Variants in CSMD1 observed in about 807,000 individuals in gnomAD.
CSMD1 encodes CUB and sushi domain-containing protein 1.
A neutral mutation model predicts 417.5 loss-of-function variants in CSMD1; 213 were observed. That is an observed-to-expected ratio of 0.51 (90% CI 0.46 to 0.57). The LOEUF is 0.57. Among genes scored for constraint, CSMD1 ranks in the 20% least tolerant of loss-of-function variants. The pLI is 0.00. For synonymous variants in CSMD1, 2,862 were observed against 1,736.8 expected (o/e 1.65, Z -16.11); for missense variants, 6,923 against 4,529.7 (o/e 1.53, Z -15.17).
chr8:3,542,557 G>C (rs1300400440), intron 10 of CSMD1, among the ~76,000 whole-genome samples: 1 of 152,142 alleles, frequency 6.6e-6, no homozygotes, highest in Non-Finnish European at 1.5e-5. Flanking sequence ...ACACGGAACA[G>C]GGTTATAGAC....
intron 10 of CSMD1, among the ~76,000 whole-genome samples, chr8:3,542,497 T>A (rs1798482325): frequency 2.0e-5 from 3 of 152,098 alleles, no homozygotes; most frequent in Admixed American, 2.0e-4. Context: ...GAAAAAGCAA[T>A]AAATCAGTGA....
intron 1 of CSMD1, among the ~76,000 whole-genome samples, chr8:4,772,377 G>T (rs1168064078): frequency 6.6e-6 from 1 of 152,070 alleles, no homozygotes; most frequent in African/African-American, 2.4e-5. Flanking sequence ...CGGCCTTTGA[G>T]GACTTGAGTG....
At chr8:4,252,776 C>T (rs1200795892) in intron 3 of CSMD1, among the ~76,000 whole-genome samples, 1 of 152,224 alleles carries the variant, frequency 6.6e-6, no homozygotes, top group African/African-American at 2.4e-5. Flanking sequence ...ACATACACCA[C>T]TGACATTTAT....
rs191516210 is a variant in CSMD1 at position 3,294,217 on chromosome 8, G to T, written c.3951-9871C>A. 1.7e-3 allele frequency among the ~76,000 whole-genome samples: 227 copies of T among 134,280 alleles called. 1 individual carries two copies. The highest frequency in any genetic ancestry group is 5.6e-3 in the African/African-American group (217 of 38,822). 88.1% of individuals were successfully genotyped at this position (134,280 alleles called of 152,430 possible). On this transcript the variant is annotated intron_variant, in intron 25 of 69. Transcript: ENST00000635120. ...GTCTCAGAGTACCAGGCCGTGTGAG[G>T]TGTCTGTTGGCCCCTACTGGGGGGT...
At chr8:4,967,559 T>G (rs1380836580) in intron 1 of CSMD1, among the ~76,000 whole-genome samples, 4 of 152,156 alleles carry the variant, frequency 2.6e-5, no homozygotes, top group East Asian at 1.9e-4. Context: ...CCATGCAAAT[T>G]TGGAAATTCT....
chr8:4,225,478 C>G (rs1001319440), intron 3 of CSMD1, among the ~76,000 whole-genome samples: 6 of 148,744 alleles, frequency 4.0e-5, no homozygotes, highest in African/African-American at 7.4e-5. Flanking sequence ...CAAAATGCTT[C>G]AAGTTTATAT....
chr8:4,319,289 G>C (rs573040099), intron 3 of CSMD1, among the ~76,000 whole-genome samples: 5 of 152,046 alleles, frequency 3.3e-5, no homozygotes, highest in African/African-American at 1.2e-4. Context: ...TCCTTTCCTT[G>C]CTTTTAAACA....
intron 18 of CSMD1, among the ~76,000 whole-genome samples, chr8:3,386,939 G>C (rs192692431): frequency 4.6e-5 from 7 of 152,206 alleles, no homozygotes; most frequent in Admixed American, 3.3e-4. Flanking sequence ...AAAATAATCA[G>C]GAATGTTATT....
At chr8:3,504,126 G>A (rs1796724434) in intron 10 of CSMD1, among the ~76,000 whole-genome samples, 2 of 152,200 alleles carry the variant, frequency 1.3e-5, no homozygotes, top group South Asian at 4.1e-4. Flanking sequence ...AATGATGAAT[G>A]TTTGAAGTGA....
At chr8:4,619,073 G>C (rs751470574) in intron 2 of CSMD1, among the ~76,000 whole-genome samples, 1 of 152,086 alleles carries the variant, frequency 6.6e-6, no homozygotes, top group Non-Finnish European at 1.5e-5. Context: ...CGGTACGAAA[G>C]CCAAACAAAT....
chr8:4,183,715 A>G (rs1477156665), intron 3 of CSMD1, among the ~76,000 whole-genome samples: 1 of 152,150 alleles, frequency 6.6e-6, no homozygotes, highest in Non-Finnish European at 1.5e-5. Context: ...TCAAATGATG[A>G]AAAATAATAT....
intron 3 of CSMD1, among the ~76,000 whole-genome samples, chr8:4,151,082 G>C (rs942398144): frequency 1.3e-5 from 2 of 152,166 alleles, no homozygotes; most frequent in Non-Finnish European, 2.9e-5. Context: ...GGTGGTGCCA[G>C]GGTGCAACTT....
chr8:4,976,188 T>A (rs1478104525), intron 1 of CSMD1, among the ~76,000 whole-genome samples: 3 of 152,164 alleles, frequency 2.0e-5, no homozygotes, highest in Non-Finnish European at 2.9e-5. Flanking sequence ...TGAAAAACCA[T>A]CTATTGGACC....
intron 1 of CSMD1, among the ~76,000 whole-genome samples, chr8:4,861,857 G>C (rs1802155076): frequency 6.6e-6 from 1 of 152,092 alleles, no homozygotes; most frequent in Non-Finnish European, 1.5e-5. Flanking sequence ...ACAATGGTTA[G>C]TTCTCAAGAA....
At chr8:3,408,251 A>G (rs1750901910) in intron 13 of CSMD1, 26 bp from the exon 14 acceptor site, 5 of 1,536,830 alleles carry the variant, frequency 3.3e-6, no homozygotes, top group African/African-American at 1.4e-5. Flanking sequence ...TATATTTTCA[A>G]ACAGTTATGC....
intron 18 of CSMD1, among the ~76,000 whole-genome samples, chr8:3,380,808 T>G (rs1810582318): frequency 6.6e-6 from 1 of 151,718 alleles, no homozygotes; most frequent in Non-Finnish European, 1.5e-5. Flanking sequence ...GGTTGTTGGG[T>G]GCAGCAAAAC....
intron 1 of CSMD1, among the ~76,000 whole-genome samples, chr8:4,921,781 T>A (rs1806515495): frequency 1.3e-5 from 2 of 152,126 alleles, no homozygotes; most frequent in Non-Finnish European, 2.9e-5. Flanking sequence ...CAGCCATTTT[T>A]TTCTTATATG....
At chr8:3,106,939 A>G (rs867956978) in intron 45 of CSMD1, 2 of 251,426 alleles carry the variant, frequency 8.0e-6, no homozygotes, top group Non-Finnish European at 1.5e-5. Flanking sequence ...AAAGAAAAAA[A>G]AAGTAAAGTA....
intron 6 of CSMD1, among the ~76,000 whole-genome samples, chr8:3,720,087 C>G (rs909251469): frequency 3.3e-5 from 5 of 152,176 alleles, no homozygotes; most frequent in African/African-American, 4.8e-5. Flanking sequence ...GAAGAACTTT[C>G]CAAGTCTTTG....
Sources: gnomAD v4.1 joint callset for allele counts (sites outside exome capture counted in the v4.1 genomes callset) on GRCh38, gnomAD v4.1.1 for gene constraint, MANE v1.5 for transcripts, NCBI Gene and HGNC (gene_info 2026-07-23, HGNC 2026-07-21) for gene names.